The following MGAT4C variants were observed in gnomAD, a reference collection of about 807,000 sequenced individuals.
MGAT4C encodes MGAT4 family member C.
In MGAT4C, 19 loss-of-function variants were observed where a neutral mutation model predicts 40.1. The observed-to-expected ratio is 0.47, with a 90% CI of 0.33 to 0.70. MGAT4C has a LOEUF of 0.70. Ranked by LOEUF, MGAT4C falls within the 30% of genes least tolerant of loss-of-function variation. MGAT4C has a pLI of 0.02. For synonymous variants in MGAT4C, 181 were observed against 187.1 expected (o/e 0.97, Z 0.27); for missense variants, 491 against 563.2 (o/e 0.87, Z 1.30).
chr12:86,441,637 G>C (rs1218975907), intron 2 of MGAT4C, among the ~76,000 whole-genome samples: 1 of 151,554 alleles, frequency 6.6e-6, no homozygotes, highest in Non-Finnish European at 1.5e-5. Context: ...TGAGAATGAT[G>C]GTTTCCAGTT....
At chr12:86,531,516 T>G (rs181567181) in intron 2 of MGAT4C, among the ~76,000 whole-genome samples, 1 of 152,170 alleles carries the variant, frequency 6.6e-6, no homozygotes, top group East Asian at 1.9e-4. Flanking sequence ...CTTTCCTTCA[T>G]TAGCAGTCAA....
rs145510544 is a variant in MGAT4C, at chr12:86,130,765, A to C, written c.-56-81042T>G. Among the ~76,000 whole-genome samples, 808 of 152,146 alleles carry C rather than the reference A, an allele frequency of 5.3e-3. 7 individuals carry two copies. The highest frequency in any genetic ancestry group is 0.019 in the African/African-American group (770 of 41,546). On this transcript the variant is annotated intron_variant, in intron 1 of 4. Coordinates refer to ENST00000611864, the MANE Select transcript of MGAT4C (RefSeq NM_001351288.2). Reference sequence around the variant, plus strand: ...GATTCAATATTTATTTTAAATTTATAAATTTTCAGTAAACCTGGTCAAAAT... The same window carrying C: ...GATTCAATATTTATTTTAAATTTATCAATTTTCAGTAAACCTGGTCAAAAT...
At chr12:86,768,239 C>G (rs1436629237) in intron 1 of MGAT4C, among the ~76,000 whole-genome samples, 1 of 152,058 alleles carries the variant, frequency 6.6e-6, no homozygotes, top group Admixed American at 6.5e-5. Flanking sequence ...AAACAGAGAG[C>G]TAAATCATGA....
chr12:86,357,298 A>G (rs543823013), intron 3 of MGAT4C, among the ~76,000 whole-genome samples: 1 of 152,228 alleles, frequency 6.6e-6, no homozygotes, highest in Non-Finnish European at 1.5e-5. Flanking sequence ...CAGAAAGGAC[A>G]TCCACACCAA....
intron 1 of MGAT4C, among the ~76,000 whole-genome samples, chr12:86,795,931 C>A (rs957595808): frequency 3.3e-5 from 5 of 151,806 alleles, no homozygotes; most frequent in African/African-American, 1.2e-4. Flanking sequence ...TCATATGCTG[C>A]CATATGGAAA....
chr12:86,711,486 A>G (rs2136631809), intron 2 of MGAT4C, among the ~76,000 whole-genome samples: 1 of 152,258 alleles, frequency 6.6e-6, no homozygotes, highest in Non-Finnish European at 1.5e-5. Context: ...ATAATCACAA[A>G]TGTGTACTTA....
At chr12:86,060,541 CAAT>C (rs1893848876) in intron 1 of MGAT4C, among the ~76,000 whole-genome samples, 2 of 151,852 alleles carry the variant, frequency 1.3e-5, no homozygotes, top group Admixed American at 6.6e-5. Flanking sequence ...CCTAATTAAT[CAAT>C]AATATTTAAT....
intron 2 of MGAT4C, among the ~76,000 whole-genome samples, chr12:86,512,526 T>C (rs1958607511): frequency 6.6e-6 from 1 of 152,108 alleles, no homozygotes; most frequent in Non-Finnish European, 1.5e-5. Flanking sequence ...GTATGGAAAT[T>C]TTTAATTGTC....
At chr12:86,606,308 C>A (rs1194637294) in intron 2 of MGAT4C, among the ~76,000 whole-genome samples, 2 of 152,010 alleles carry the variant, frequency 1.3e-5, no homozygotes, top group Non-Finnish European at 2.9e-5. Context: ...GGTTATGTAA[C>A]CTATTTCATA....
chr12:86,354,724 G>C (rs1955267687), intron 3 of MGAT4C, among the ~76,000 whole-genome samples: 1 of 152,170 alleles, frequency 6.6e-6, no homozygotes, highest in Admixed American at 6.6e-5. Flanking sequence ...TCTCTAAAAA[G>C]TATGCAACAA....
chr12:86,059,006 A>G (rs1407262389), intron 1 of MGAT4C, among the ~76,000 whole-genome samples: 2 of 152,110 alleles, frequency 1.3e-5, no homozygotes, highest in African/African-American at 4.8e-5. Context: ...ACAACACTCC[A>G]TATCCCTGAA....
At chr12:86,427,707 T>A (rs1432753908) in intron 3 of MGAT4C, among the ~76,000 whole-genome samples, 2 of 152,210 alleles carry the variant, frequency 1.3e-5, no homozygotes, top group Non-Finnish European at 2.9e-5. Flanking sequence ...GTGAACATTT[T>A]CATTCACATG....
intron 1 of MGAT4C, among the ~76,000 whole-genome samples, chr12:86,201,734 T>C (rs751268985): frequency 6.6e-6 from 1 of 151,866 alleles, no homozygotes; most frequent in Non-Finnish European, 1.5e-5. Flanking sequence ...TTTGAATCTA[T>C]AGAATAATTG....
intron 1 of MGAT4C, among the ~76,000 whole-genome samples, chr12:86,061,284 GA>G (rs1893936736): frequency 6.6e-6 from 1 of 152,260 alleles, no homozygotes; most frequent in Admixed American, 6.5e-5. Context: ...CTACCCAAGG[GA>G]AGCCGTGAGG....
chr12:86,548,496 G>A (rs73175231), intron 2 of MGAT4C, among the ~76,000 whole-genome samples: 6,518 of 151,990 alleles, frequency 0.043, 166 homozygotes, highest in South Asian at 0.073. Context: ...GCAAATTCCC[G>A]TTTACGCAGG....
intron 3 of MGAT4C, among the ~76,000 whole-genome samples, chr12:86,374,863 C>T (rs12815932): frequency 0.061 from 9,208 of 152,142 alleles, 372 homozygotes; most frequent in Non-Finnish European, 0.087. Flanking sequence ...ACCAGTAAGG[C>T]CTGCTTTGCT....
intron 2 of MGAT4C, among the ~76,000 whole-genome samples, chr12:86,666,617 A>G (rs2136557196): frequency 6.6e-6 from 1 of 152,338 alleles, no homozygotes; most frequent in Non-Finnish European, 1.5e-5. Flanking sequence ...AACAAGAAGA[A>G]TCATAACAAA....
At chr12:86,735,745 C>T (rs1284996971) in intron 1 of MGAT4C, among the ~76,000 whole-genome samples, 1 of 151,776 alleles carries the variant, frequency 6.6e-6, no homozygotes. Flanking sequence ...CATCCTACTC[C>T]AACATCTCTT....
chr12:86,645,831 T>C (rs189775863), intron 2 of MGAT4C, among the ~76,000 whole-genome samples: 55 of 151,908 alleles, frequency 3.6e-4, no homozygotes, highest in African/African-American at 1.3e-3. Context: ...AGATTCTAGT[T>C]ATTATTTTTC....
Sources: allele counts gnomAD v4.1 joint callset (sites outside exome capture counted in the v4.1 genomes callset), GRCh38; gene constraint gnomAD v4.1.1; transcripts MANE v1.5; gene names NCBI Gene and HGNC (gene_info 2026-07-23, HGNC 2026-07-21).